Variants in FILIP1L observed in about 807,000 individuals in gnomAD.
FILIP1L encodes the protein filamin A-interacting protein 1-like.
Under a neutral mutation model 96.6 loss-of-function variants are expected in FILIP1L, and 55 were observed. The observed-to-expected ratio is 0.57, with a 90% CI of 0.46 to 0.71. The LOEUF (loss-of-function observed/expected upper bound fraction) is 0.71, where lower values mean the gene tolerates loss of function less well. Among genes scored for constraint, FILIP1L ranks in the 30% least tolerant of loss-of-function variants. The pLI is 0.00. For missense variants in FILIP1L, 1,304 were observed against 1,321.2 expected (o/e 0.99, Z 0.20); for synonymous variants, 467 against 473.9 (o/e 0.99, Z 0.19).
intron 1 of FILIP1L, among the ~76,000 whole-genome samples, chr3:100,107,842 G>T (rs1270559582): frequency 1.4e-5 from 2 of 146,394 alleles, no homozygotes; most frequent in Non-Finnish European, 3.0e-5. Context: ...TTCATTACAT[G>T]ATTTATATTT....
chr3:99,936,816 T>C (rs1707690676), intron 1 of FILIP1L, among the ~76,000 whole-genome samples: 1 of 152,056 alleles, frequency 6.6e-6, no homozygotes, highest in African/African-American at 2.4e-5. Flanking sequence ...TAAAAAGATA[T>C]ACATAGTAAA....
intron 5 of FILIP1L, among the ~76,000 whole-genome samples, chr3:99,843,782 G>A (rs920844516): frequency 4.6e-5 from 7 of 152,184 alleles, no homozygotes; most frequent in Admixed American, 1.3e-4. Context: ...GTTAGGAGCC[G>A]AGCGGCAAGC....
intron 5 of FILIP1L, among the ~76,000 whole-genome samples, chr3:99,842,401 G>A (rs1031512378): frequency 6.6e-6 from 1 of 151,920 alleles, no homozygotes; most frequent in African/African-American, 2.4e-5. Context: ...CTCGAGTGAT[G>A]GTTGCACCAG....
At chr3:99,983,275 T>C (rs1419721356) in intron 1 of FILIP1L, among the ~76,000 whole-genome samples, 1 of 150,926 alleles carries the variant, frequency 6.6e-6, no homozygotes, top group East Asian at 1.9e-4. Context: ...GACTCATGCC[T>C]GTAATCCTAA....
At chr3:99,835,223 C>T (rs1942847688) in intron 5 of FILIP1L, among the ~76,000 whole-genome samples, 1 of 152,210 alleles carries the variant, frequency 6.6e-6, no homozygotes. Flanking sequence ...TTCTAATCAC[C>T]TTTGACCCAG....
At chr3:100,010,343 G>A (rs1300672921) in intron 1 of FILIP1L, among the ~76,000 whole-genome samples, 1 of 152,082 alleles carries the variant, frequency 6.6e-6, no homozygotes, top group South Asian at 2.1e-4. Context: ...AAGAAAAAAG[G>A]CATGTAACTG....
chr3:99,956,113 T>A (rs1309608740), intron 1 of FILIP1L, among the ~76,000 whole-genome samples: 1 of 152,166 alleles, frequency 6.6e-6, no homozygotes, highest in African/African-American at 2.4e-5. Flanking sequence ...ATTCATTCCT[T>A]ATTGCCTCTG....
chr3:100,037,003 T>C lies in FILIP1L; in HGVS notation c.-11+77050A>G, dbSNP rs551747809. ...GTATCCTGAAACACATAAATAAAGC[T>C]GAGCCATTTCAGATTAAAAGAAACC... On this transcript the variant is annotated intron_variant, in intron 1 of 5. Coordinates refer to ENST00000477258, the MANE Select transcript of FILIP1L (RefSeq NM_001387850.1). 3.9e-4 allele frequency among the ~76,000 whole-genome samples: 59 copies of C among 152,302 alleles called. 1 individual carries two copies. Among genetic ancestry groups the C allele is most frequent in the African/African-American group, 1.4e-3 (58 of 41,562 alleles).
intron 1 of FILIP1L, among the ~76,000 whole-genome samples, chr3:99,969,512 T>C (rs1004042609): frequency 1.3e-5 from 2 of 152,152 alleles, no homozygotes; most frequent in South Asian, 4.1e-4. Flanking sequence ...TACGTTTGAA[T>C]TGATTCTAAA....
intron 4 of FILIP1L, among the ~76,000 whole-genome samples, chr3:99,871,318 T>C (rs75670168): frequency 8.5e-5 from 13 of 152,170 alleles, no homozygotes; most frequent in Non-Finnish European, 1.6e-4. Context: ...ACTTTTTTTT[T>C]GTATCAAATA....
chr3:99,925,734 A>G, intron 3 of FILIP1L: 1 of 345,340 alleles, frequency 2.9e-6, no homozygotes, highest in Non-Finnish European at 4.1e-6. Flanking sequence ...AGCTCTTGGC[A>G]GATATCCCAA....
At chr3:100,039,996 GC>G (rs2065177076) in intron 1 of FILIP1L, 1 of 152,050 alleles carries the variant, frequency 6.6e-6, no homozygotes, top group Non-Finnish European at 1.5e-5. Context: ...CTCATCATCC[GC>G]CCACCTTGGC....
intron 5 of FILIP1L, among the ~76,000 whole-genome samples, chr3:99,836,138 G>T (rs138670774): frequency 3.9e-5 from 6 of 152,290 alleles, no homozygotes; most frequent in African/African-American, 1.4e-4. Context: ...TTTAAGGCTG[G>T]ATTATAGAGG....
At chr3:100,095,089 G>A (rs1040195318) in intron 1 of FILIP1L, among the ~76,000 whole-genome samples, 4 of 152,112 alleles carry the variant, frequency 2.6e-5, no homozygotes, top group Non-Finnish European at 4.4e-5. Context: ...CTTTTTCATT[G>A]ATCTATGTGA....
At chr3:100,012,773 T>C (rs1710196378) in intron 1 of FILIP1L, among the ~76,000 whole-genome samples, 1 of 145,384 alleles carries the variant, frequency 6.9e-6, no homozygotes, top group South Asian at 2.3e-4. Flanking sequence ...TTTTTTTTTT[T>C]TTTTTTGGGT....
At chr3:99,898,158 G>A (rs1432102951) in intron 4 of FILIP1L, 1 of 152,118 alleles carries the variant, frequency 6.6e-6, no homozygotes, top group African/African-American at 2.4e-5. Flanking sequence ...TGAGGGTTTA[G>A]ATATGATACA....
intron 4 of FILIP1L, among the ~76,000 whole-genome samples, chr3:99,922,762 A>C (rs1707164354): frequency 6.6e-6 from 1 of 152,206 alleles, no homozygotes; most frequent in African/African-American, 2.4e-5. Flanking sequence ...GTAGAACAAA[A>C]TAATCTACCC....
At chr3:99,927,022 C>A (rs1707314631) in intron 3 of FILIP1L, among the ~76,000 whole-genome samples, 1 of 152,186 alleles carries the variant, frequency 6.6e-6, no homozygotes, top group Non-Finnish European at 1.5e-5. Context: ...CCATCTGAAC[C>A]TCCTGCCACC....
chr3:100,027,048 G>A (rs188472501), intron 1 of FILIP1L, among the ~76,000 whole-genome samples: 94 of 152,002 alleles, frequency 6.2e-4, no homozygotes, highest in Non-Finnish European at 1.1e-3. Flanking sequence ...GTATCTCTAC[G>A]GCCCATTCAT....
Sources: gnomAD v4.1 joint callset for allele counts (sites outside exome capture counted in the v4.1 genomes callset) on GRCh38, gnomAD v4.1.1 for gene constraint, MANE v1.5 for transcripts, NCBI Gene and HGNC (gene_info 2026-07-23, HGNC 2026-07-21) for gene names.